TPPP2: variants seen among roughly 807,000 people sequenced by gnomAD.
The protein encoded by TPPP2 is tubulin polymerization promoting protein family member 2.
TPPP2 carries 8 observed loss-of-function variants against 13.0 expected under a neutral mutation model. That is an observed-to-expected ratio of 0.62 (90% CI 0.36 to 1.11). The LOEUF is 1.11. TPPP2 is among the 50% of genes most tolerant of loss of function. The pLI is 0.02. For synonymous variants in TPPP2, 81 were observed against 81.8 expected, an observed-to-expected ratio of 0.99 and a Z score of 0.05; for missense variants, 213 against 216.9, an observed-to-expected ratio of 0.98 and a Z score of 0.11.
chr14:21,032,846 TGATTA>T (rs1481474990), downstream of TPPP2: 1 of 423,036 alleles, frequency 2.4e-6, no homozygotes, highest in Non-Finnish European at 4.6e-6. Flanking sequence ...TATTTTGAAT[TGATTA>T]TGGGTTGACA....
rs375215559 is a variant in TPPP2 at position 21,030,731 on chromosome 14, G to C, written c.150G>C (p.Val50=). 1.2e-6 allele frequency: 2 copies of C among 1,614,000 alleles called. No individual in the cohort carries two copies. Among genetic ancestry groups the C allele is most frequent in the African/African-American group, 2.7e-5 (2 of 74,910 alleles). Residue 50 remains valine, a synonymous_variant, in exon 2 of 4, where the codon GTG becomes GTC. Coordinates refer to ENST00000321760, the MANE Select transcript of TPPP2 (RefSeq NM_173846.5). Reference sequence around the variant, plus strand: ...GCAAGACAGTCACCTCCACGGACGTGGACATCGTGTTCAGCAAAGTCAAGT... The same window carrying C: ...GCAAGACAGTCACCTCCACGGACGTCGACATCGTGTTCAGCAAAGTCAAGT... ...MDGKTVTSTD[V]DIVFSKVKAK...
At chr14:21,031,277 C>T (rs751758302) in intron 3 of TPPP2, 112 bp downstream of exon 3, 2 of 1,376,550 alleles carry the variant, frequency 1.5e-6, no homozygotes, top group South Asian at 1.5e-5. Flanking sequence ...CCGAAACAGA[C>T]TTTAGAGATC....
At chr14:21,024,858 G>A in intron 1 of TPPP2, 1 of 985,652 alleles carries the variant, frequency 1.0e-6, no homozygotes, top group Non-Finnish European at 1.2e-6. Context: ...CCCCAAACAC[G>A]CCCTGCAGCT....
downstream of TPPP2, chr14:21,033,530 G>T (rs1884391288): frequency 8.7e-6 from 4 of 458,512 alleles, no homozygotes; most frequent in South Asian, 9.4e-5. Flanking sequence ...GACAGTCACT[G>T]CCAACTGGAC....
chr14:21,025,784 T>C (rs1883522406), upstream of TPPP2: 12 of 789,154 alleles, frequency 1.5e-5, no homozygotes, highest in African/African-American at 2.4e-5. This position sits in a 1 kb window ranked among gnomAD's most constrained non-coding sequence, Gnocchi z 5.1. Context: ...CCGCTATAAA[T>C]AGAGGGCGAT....
At position 21,025,112 on chromosome 14, in the gene TPPP2, GGCCCGCCCCA is replaced by G. The variant is rs1451171376; in HGVS notation, n.236+777_236+786del. 11 of 976,050 alleles carry G rather than the reference GGCCCGCCCCA, an allele frequency of 1.1e-5. No individual in the cohort carries two copies. In the East Asian group the frequency reaches 4.7e-4, roughly 42 times the overall value. The allele number at this position is 976,050 out of a possible 1,614,324, so 60.5% of individuals were successfully genotyped here. On this transcript the variant is annotated intron_variant and non_coding_transcript_variant, in intron 1 of 1. Coordinates refer to the TPPP2 transcript ENST00000533755. This position sits in a 1 kb window ranked among gnomAD's most constrained non-coding sequence, Gnocchi z 5.1. ...TCGGGCTTCCCGCAGACCCGCCCCCGGCCCGCCCCAGCCCGCCCACGGGCGCTAGGCTCCC... is the reference window on the plus strand; with the variant it reads ...TCGGGCTTCCCGCAGACCCGCCCCCGGCCCGCCCACGGGCGCTAGGCTCCC...
At chr14:21,033,940 G>C (rs781034805), downstream of TPPP2, 4 of 1,613,990 alleles carry the variant, frequency 2.5e-6, no homozygotes, top group Admixed American at 6.7e-5. Context: ...GGTGGCTGTT[G>C]GTGGCTCAGG....
chr14:21,034,425 AC>A (rs1476717589), downstream of TPPP2: 7 of 673,670 alleles, frequency 1.0e-5, no homozygotes, highest in Non-Finnish European at 1.5e-5. Flanking sequence ...AGTTCTCATG[AC>A]CCAGAAAGAG....
chr14:21,032,202 C>A lies in TPPP2; in HGVS notation c.*125C>A. On this transcript the variant is annotated 3_prime_UTR_variant, in exon 4 of 4. Coordinates refer to ENST00000321760, the MANE Select transcript of TPPP2 (RefSeq NM_173846.5). Reference sequence around the variant, plus strand: ...CTCTGTCTGTGAGGGACAGATGAGCCTACTAGTGTAGAGAGAGGGAGAAGA... The same window carrying A: ...CTCTGTCTGTGAGGGACAGATGAGCATACTAGTGTAGAGAGAGGGAGAAGA... 9.9e-7 allele frequency: 1 copy of A among 1,006,102 alleles called. No homozygotes were observed. Among genetic ancestry groups the A allele is most frequent in the Non-Finnish European group, 1.5e-6 (1 of 650,662 alleles). 62.3% of individuals were successfully genotyped at this position (1,006,102 alleles called of 1,614,324 possible). A position where few individuals can be genotyped will look rare whatever the true frequency, so the allele number is the denominator to read the frequency against.
chr14:21,033,710 A>C (rs761853336), downstream of TPPP2: 2 of 815,694 alleles, frequency 2.5e-6, no homozygotes, highest in Non-Finnish European at 4.3e-6. Context: ...TTGGGAGGGG[A>C]CCCTGCCTGC....
upstream of TPPP2, chr14:21,025,740 A>G: frequency 1.0e-6 from 1 of 967,636 alleles, no homozygotes; most frequent in Non-Finnish European, 1.2e-6. The surrounding 1 kb of genome is among the most constrained non-coding windows in gnomAD (Gnocchi z 5.1). Flanking sequence ...GTTGGACAAC[A>G]AGGCGGGGAG....
chr14:21,029,319 G>T (rs901534380), upstream of TPPP2: 2 of 152,126 alleles, frequency 1.3e-5, no homozygotes, highest in East Asian at 1.9e-4. Flanking sequence ...CCTAACTCCC[G>T]GCTGGACGCA....
downstream of TPPP2, chr14:21,034,842 G>A (rs1344497022): frequency 6.5e-6 from 1 of 153,568 alleles, no homozygotes; most frequent in African/African-American, 2.4e-5. Context: ...TAAGAGGGTT[G>A]GATGGGTGGG....
At position 21,032,037 on chromosome 14, in the gene TPPP2, G is replaced by T; in HGVS notation, c.473G>T (p.Gly158Val). The change falls in exon 4 of 4, where the codon GGT (glycine) becomes GTT (valine). Residue 158 changes from glycine to valine, a missense_variant. Transcript: ENST00000321760. ...ACTGACAACACAGGCTATGTGAGTG[G>T]TTACAAGGGTTCTGGCACCTACGAT... ...EMTDNTGYVS[G>V]YKGSGTYDKK... The T allele has an allele frequency of 1.2e-6, 2 of 1,614,160 alleles. No individual in the cohort carries two copies. Among genetic ancestry groups the T allele is most frequent in the Non-Finnish European group, 1.7e-6 (2 of 1,180,032 alleles).
intron 1 of TPPP2, chr14:21,024,675 G>A: frequency 1.0e-6 from 1 of 985,520 alleles, no homozygotes. Context: ...TCCCCCGACG[G>A]CCCGCGAAGG....
downstream of TPPP2, chr14:21,035,802 G>A (rs574062705): frequency 5.9e-5 from 27 of 456,142 alleles, no homozygotes; most frequent in South Asian, 3.1e-5. Context: ...AGTTTCCCTG[G>A]TTACCTATGC....
chr14:21,031,908 G>A lies in TPPP2; in HGVS notation c.344G>A (p.Gly115Asp), dbSNP rs1042317674. The stretch of plus-strand genomic sequence containing the variant: ...GGCTTGCAGAAAGCAACAACAGTGG[G>A]TGCAGTGGACCGTTTGACAGACACC... ...TTGATKATTVGAVDRLTDTSK... is the reference protein window; with the variant it reads ...TTGATKATTVDAVDRLTDTSK... Residue 115 changes from glycine to aspartate, a missense_variant, in exon 4 of 4, where the codon GGT (glycine) becomes GAT (aspartate). By Grantham distance (94) the Gly-to-Asp change is moderately conservative. Transcript: ENST00000321760. The A allele has an allele frequency of 3.1e-6, 5 of 1,613,894 alleles. No homozygotes were observed. The highest frequency in any genetic ancestry group is 4.2e-6 in the Non-Finnish European group (5 of 1,179,932).
chr14:21,030,569 C>A lies in TPPP2; in HGVS notation c.-13C>A. ...TGTCTCCCACGACTGCCCTCCCCGA[C>A]CTCTAGCTGACCATGGCATCAGAGG... is the stretch of plus-strand genomic sequence containing the variant. On this transcript the variant is annotated 5_prime_UTR_variant, in exon 2 of 4. Coordinates refer to ENST00000321760, the MANE Select transcript of TPPP2 (RefSeq NM_173846.5). The A allele has an allele frequency of 6.2e-7, 1 of 1,612,590 alleles. No homozygotes were observed. Among genetic ancestry groups the A allele is most frequent in the Non-Finnish European group, 8.5e-7 (1 of 1,179,404 alleles).
At chr14:21,028,593 C>T (rs1883855659), upstream of TPPP2, 1 of 152,016 alleles carries the variant, frequency 6.6e-6, no homozygotes, top group Non-Finnish European at 1.5e-5. Flanking sequence ...TCCTTGAATG[C>T]TAAGCAAAAA....
Sources: allele counts gnomAD v4.1 joint callset, GRCh38; gene constraint gnomAD v4.1.1; non-coding constraint Gnocchi (gnomAD v3.1); transcripts MANE v1.5; gene names NCBI Gene and HGNC (gene_info 2026-07-23, HGNC 2026-07-21).